The following AHCTF1 variants were observed in gnomAD, a reference collection of about 807,000 sequenced individuals.
AHCTF1 encodes the protein AT-hook containing transcription factor 1, also known as protein ELYS.
AHCTF1 carries 24 observed loss-of-function variants against 248.4 expected under a neutral mutation model. The observed-to-expected ratio is 0.10, with a 90% confidence interval of 0.07 to 0.14. The LOEUF (loss-of-function observed/expected upper bound fraction) is 0.14. Ranked by LOEUF, AHCTF1 falls within the 10% of genes least tolerant of loss-of-function variation. The pLI, the probability that AHCTF1 is intolerant of heterozygous loss-of-function variation, is 1.00. For synonymous variants in AHCTF1, 786 were observed against 929.8 expected, an observed-to-expected ratio of 0.85 and a Z score of 2.81; for missense variants, 2,206 against 2,636.2, an observed-to-expected ratio of 0.84 and a Z score of 3.57.
intron 1 of AHCTF1, among the ~76,000 whole-genome samples, chr1:246,919,727 G>A (rs76539569): frequency 0.023 from 3,502 of 149,616 alleles, 135 homozygotes; most frequent in African/African-American, 0.081. Context: ...ATCCTCAAGA[G>A]AAGAATTTAT....
At chr1:246,906,779 C>T (rs1167373519) in intron 5 of AHCTF1, among the ~76,000 whole-genome samples, 1 of 152,076 alleles carries the variant, frequency 6.6e-6, no homozygotes, top group Non-Finnish European at 1.5e-5. Context: ...TACAAAGTAT[C>T]AATATAATTA....
At chr1:246,855,702 A>T (rs1661062510) in intron 31 of AHCTF1, 28 bp downstream of exon 31, 1 of 1,550,754 alleles carries the variant, frequency 6.4e-7, no homozygotes, top group African/African-American at 1.4e-5. Context: ...AAATGGAATA[A>T]TCCTGAAGTC....
chr1:246,902,432 T>C lies in AHCTF1; in HGVS notation c.1117+93A>G. On this transcript the variant is annotated intron_variant, in intron 8 of 35. Coordinates refer to ENST00000648844, the MANE Select transcript of AHCTF1 (RefSeq NM_001323342.2). Reference sequence around the variant, plus strand: ...TCCGTTAATTACTATTCCAATTTTCTGAACTGCCAGGAGTATGAAATCTAG... The same window carrying C: ...TCCGTTAATTACTATTCCAATTTTCCGAACTGCCAGGAGTATGAAATCTAG... The C allele has an allele frequency of 2.7e-6, 4 of 1,456,590 alleles. No individual in the cohort carries two copies. In the South Asian group the frequency reaches 4.2e-5, roughly 15 times the overall value. The allele number at this position is 1,456,590 out of a possible 1,614,324, so 90.2% of individuals were successfully genotyped here.
At chr1:246,858,316 C>T (rs991313147) in intron 29 of AHCTF1, among the ~76,000 whole-genome samples, 7 of 152,114 alleles carry the variant, frequency 4.6e-5, no homozygotes, top group African/African-American at 7.2e-5. Flanking sequence ...TAACCTCTCG[C>T]TTTTCACTTT....
At chr1:246,849,342 A>G (rs1660523204) in intron 33 of AHCTF1, among the ~76,000 whole-genome samples, 2 of 152,238 alleles carry the variant, frequency 1.3e-5, no homozygotes, top group South Asian at 4.1e-4. Context: ...AAAGTCACTT[A>G]TAATTTATAA....
At chr1:246,870,475 T>C (rs2103091157) in intron 24 of AHCTF1, among the ~76,000 whole-genome samples, 1 of 152,198 alleles carries the variant, frequency 6.6e-6, no homozygotes, top group East Asian at 1.9e-4. Flanking sequence ...AATCTCATGA[T>C]AAAACATGAA....
intron 1 of AHCTF1, among the ~76,000 whole-genome samples, chr1:246,928,495 T>C (rs1667110370): frequency 6.6e-6 from 1 of 152,072 alleles, no homozygotes; most frequent in South Asian, 2.1e-4. Flanking sequence ...ATTAGGATAC[T>C]AGCAGAGACA....
At position 246,843,919 on chromosome 1, in the gene AHCTF1, A is replaced by AT. The variant is rs1251286748; in HGVS notation, c.6400dup (p.Ile2134AsnfsTer35). 15 of 1,457,458 alleles carry AT rather than the reference A, an allele frequency of 1.0e-5. No homozygotes were observed. The highest frequency in any genetic ancestry group is 5.0e-5 in the East Asian group (2 of 40,294). 90.3% of individuals were successfully genotyped at this position (1,457,458 alleles called of 1,614,324 possible). A position where few individuals can be genotyped will look rare whatever the true frequency, so the allele number is the denominator to read the frequency against. ...TTCTTTCAGCTGTGCAGGAACCTCT[A>AT]TTTTTTTAGCTAAAAAAAGTTGAAA... On this transcript the variant is annotated frameshift_variant, in exon 34 of 36. Coordinates refer to ENST00000648844, the MANE Select transcript of AHCTF1 (RefSeq NM_001323342.2). LOFTEE classifies it high-confidence loss of function.
At chr1:246,864,846 CA>C (rs139015537) in intron 26 of AHCTF1, among the ~76,000 whole-genome samples, 4 of 2,258 alleles carry the variant, frequency 1.8e-3, no homozygotes, top group Non-Finnish European at 2.2e-3. Flanking sequence ...GACTCCGTCT[CA>C]AAAAAAAAAA....
rs544916943 is a variant in AHCTF1 at position 246,883,182 on chromosome 1, A to C, written c.2660+2311T>G. On this transcript the variant is annotated intron_variant, in intron 21 of 35. Coordinates refer to ENST00000648844, the MANE Select transcript of AHCTF1 (RefSeq NM_001323342.2). Reference sequence around the variant, plus strand: ...GGAGAGTGTTAGTGTTTGATGGTTTAAATATTAAAACTTTTTCAGCCATTT... The same window carrying C: ...GGAGAGTGTTAGTGTTTGATGGTTTCAATATTAAAACTTTTTCAGCCATTT... Among the ~76,000 whole-genome samples, 3 of 152,354 alleles carry C rather than the reference A, an allele frequency of 2.0e-5. No individual in the cohort carries two copies. The East Asian group carries it at 5.8e-4, about 29-fold the overall frequency.
At chr1:246,931,310 G>C (rs1171516822) in intron 1 of AHCTF1, 18 of 1,546,824 alleles carry the variant, frequency 1.2e-5, no homozygotes, top group Non-Finnish European at 1.6e-5. Context: ...CGAACCACCA[G>C]CGCCGCTCCG....
intron 19 of AHCTF1, 23 bp from the exon 20 acceptor site, chr1:246,887,380 C>A: frequency 1.3e-6 from 2 of 1,583,636 alleles, no homozygotes; most frequent in Non-Finnish European, 1.7e-6. Context: ...GGATTAAGGA[C>A]AATAAAATAC....
rs961877493 is a variant in AHCTF1 at position 246,864,294 on chromosome 1, C to T, written c.3348-178G>A. 5.7e-5 allele frequency: 36 copies of T among 630,116 alleles called. No individual in the cohort carries two copies. In the Admixed American group the frequency reaches 5.8e-4, roughly 10 times the overall value. 39.0% of individuals were successfully genotyped at this position (630,116 alleles called of 1,614,324 possible). A position where few individuals can be genotyped will look rare whatever the true frequency, so the allele number is the denominator to read the frequency against. Reference sequence around the variant, plus strand: ...TTCAAAAAGTCAGAAAATTATTCATCGCAAAACAGAATTAAGAACTGCACA... The same window carrying T: ...TTCAAAAAGTCAGAAAATTATTCATTGCAAAACAGAATTAAGAACTGCACA... On this transcript the variant is annotated intron_variant, in intron 26 of 35. Coordinates refer to ENST00000648844, the MANE Select transcript of AHCTF1 (RefSeq NM_001323342.2).
Position 246,918,234 on chromosome 1 carries a change from G to A in AHCTF1, c.121+16C>T, listed in dbSNP as rs750193849. ...AATCAATTGTATTAGTAAATGTTCA[G>A]TGACATTATGTTTACCTGCAGCAAA... On this transcript the variant is annotated intron_variant, in intron 2 of 35. Coordinates refer to ENST00000648844, the MANE Select transcript of AHCTF1 (RefSeq NM_001323342.2). 7.5e-6 allele frequency: 12 copies of A among 1,597,080 alleles called. No individual in the cohort carries two copies. Among genetic ancestry groups the A allele is most frequent in the Non-Finnish European group, 1.0e-5 (12 of 1,173,052 alleles).
intron 35 of AHCTF1, among the ~76,000 whole-genome samples, chr1:246,842,319 C>T (rs1441151914): frequency 1.3e-5 from 2 of 152,086 alleles, no homozygotes; most frequent in Non-Finnish European, 2.9e-5. Context: ...CAGTGGCTCA[C>T]ACCTGTCATC....
rs769536393 is a variant in AHCTF1 at position 246,913,369 on chromosome 1, G to A, written c.419C>T (p.Ala140Val). ...ACTTGGATGTAAATGCTGAGTGCTT[G>A]CACTGGCTCCTCCATGATTAATTAT... ...EPIINHGGAS[A>V]STQHLHPSLR... Residue 140 changes from alanine (A) to valine (V), a missense_variant, in exon 4 of 36, where the codon GCA (alanine) becomes GTA (valine). By Grantham distance (64) the Ala-to-Val change is moderately conservative. Coordinates refer to ENST00000648844, the MANE Select transcript of AHCTF1 (RefSeq NM_001323342.2). 6.2e-7 allele frequency: 1 copy of A among 1,613,586 alleles called. No individual in the cohort carries two copies. The highest frequency in any genetic ancestry group is 1.1e-5 in the South Asian group (1 of 91,000).
chr1:246,927,682 G>A (rs1022038369), intron 1 of AHCTF1, among the ~76,000 whole-genome samples: 1 of 152,222 alleles, frequency 6.6e-6, no homozygotes, highest in Non-Finnish European at 1.5e-5. Context: ...GATAGGCAGA[G>A]CAGGAACGTT....
In AHCTF1 at chr1:246,849,630, G is replaced by A; in HGVS notation, c.6376C>T (p.Pro2126Ser). The change falls in exon 33 of 36, where the codon CCA (proline) becomes TCA (serine). Residue 2126 changes from proline (P) to serine (S), a missense_variant. Pro to Ser is a moderately conservative substitution (Grantham distance 74). Around this residue, in one of 6 missense-constraint regions of AHCTF1, gnomAD observed 469 missense variants for 470.0 expected, o/e 1.00. Coordinates refer to ENST00000648844, the MANE Select transcript of AHCTF1 (RefSeq NM_001323342.2). ...EPLFSPASEV[P>S]RKAKAKKIEV... ...AGAAAAGTACCTTTTGCTTTCCTTG[G>A]AACTTCTGACGCTGGAGAAAATAAA... 2.5e-6 allele frequency: 4 copies of A among 1,607,804 alleles called. No homozygotes were observed. The highest frequency in any genetic ancestry group is 3.4e-6 in the Non-Finnish European group (4 of 1,176,030).
chr1:246,921,318 T>C (rs1332945699), intron 1 of AHCTF1, among the ~76,000 whole-genome samples: 1 of 152,178 alleles, frequency 6.6e-6, no homozygotes, highest in Non-Finnish European at 1.5e-5. Context: ...GGTAATGTTC[T>C]TTCTCTAGAA....
Sources: allele counts gnomAD v4.1 joint callset (sites outside exome capture counted in the v4.1 genomes callset), GRCh38; gene constraint gnomAD v4.1.1; regional missense constraint gnomAD v4.1.1; transcripts MANE v1.5; gene names NCBI Gene and HGNC (gene_info 2026-07-23, HGNC 2026-07-21).